The following ZC2HC1A variants were observed in gnomAD, a reference collection of about 807,000 sequenced individuals.
ZC2HC1A encodes zinc finger C2HC-type containing 1A.
A neutral mutation model predicts 40.7 loss-of-function variants in ZC2HC1A; 28 were observed. The observed-to-expected ratio is 0.69, with a 90% CI of 0.51 to 0.94. The LOEUF is 0.94. Ranked by LOEUF, ZC2HC1A falls within the 40% of genes least tolerant of loss-of-function variation. The probability of loss-of-function intolerance (pLI) is 0.00; values close to 1 mark genes in which losing one functional copy is unlikely to be tolerated. For missense variants in ZC2HC1A, 389 were observed against 386.3 expected, an observed-to-expected ratio of 1.01 and a Z score of -0.06; for synonymous variants, 129 against 129.2, an observed-to-expected ratio of 1.00 and a Z score of 0.01.
In ZC2HC1A at chr8:78,686,534, C is replaced by A; in HGVS notation, c.278C>A (p.Ala93Glu). ...GAAGAATTCATTGCTACCATAAGAGCAGCTAAAGGCCTTGATCAGGCCCTC... is the reference window on the plus strand; with the variant it reads ...GAAGAATTCATTGCTACCATAAGAGAAGCTAAAGGCCTTGATCAGGCCCTC... ...KHEEFIATIR[A>E]AKGLDQALKE... The change falls in exon 4 of 9, where the codon GCA (alanine) becomes GAA (glutamate). Residue 93 changes from alanine (A) to glutamate (E), a missense_variant. Physicochemically the swap from Ala to Glu is moderately radical, Grantham distance 107 (BLOSUM62 -1). Coordinates refer to ENST00000263849, the MANE Select transcript of ZC2HC1A (RefSeq NM_016010.3). 1 of 1,551,988 alleles carries A rather than the reference C, an allele frequency of 6.4e-7. No individual in the cohort carries two copies. Among genetic ancestry groups the A allele is most frequent in the Non-Finnish European group, 8.7e-7 (1 of 1,148,200 alleles).
chr8:78,681,931 G>A (rs1809800414), intron 3 of ZC2HC1A, among the ~76,000 whole-genome samples: 1 of 143,826 alleles, frequency 7.0e-6, no homozygotes, highest in African/African-American at 2.6e-5. Flanking sequence ...TTTTGAGACA[G>A]GGATCTTACT....
intron 1 of ZC2HC1A, among the ~76,000 whole-genome samples, chr8:78,668,297 C>G (rs1413842527): frequency 6.6e-6 from 1 of 152,116 alleles, no homozygotes; most frequent in Non-Finnish European, 1.5e-5. Flanking sequence ...TTTCTTACCT[C>G]TATTGGAAGT....
intron 7 of ZC2HC1A, among the ~76,000 whole-genome samples, chr8:78,709,064 T>C (rs1435471441): frequency 6.6e-6 from 1 of 152,236 alleles, no homozygotes; most frequent in Non-Finnish European, 1.5e-5. Flanking sequence ...CCCTAGAGTT[T>C]ACACAGTTGT....
At position 78,671,099 on chromosome 8, in the gene ZC2HC1A, A is replaced by C. The variant is rs575582438; in HGVS notation, c.17-4688A>C. 2.0e-5 allele frequency among the ~76,000 whole-genome samples: 3 copies of C among 152,320 alleles called. No homozygotes were observed. In the South Asian group the frequency reaches 6.2e-4, roughly 32 times the overall value. ...CACAAGGGAGGCCAGAACTGTTCTT[A>C]ATTTCCAAGATTTCTTTGAAAATGT... On this transcript the variant is annotated intron_variant, in intron 1 of 8. Coordinates refer to ENST00000263849, the MANE Select transcript of ZC2HC1A (RefSeq NM_016010.3).
intron 4 of ZC2HC1A, among the ~76,000 whole-genome samples, chr8:78,687,506 TTATA>T (rs568057552): frequency 2.8e-5 from 4 of 142,510 alleles, no homozygotes; most frequent in Non-Finnish European, 6.0e-5. Context: ...ATATAATAAA[TTATA>T]TATATTTATA....
In ZC2HC1A at chr8:78,689,317, A is replaced by G; in HGVS notation, c.448A>G (p.Asn150Asp). 1 of 1,604,962 alleles carries G rather than the reference A, an allele frequency of 6.2e-7. No individual in the cohort carries two copies. Among genetic ancestry groups the G allele is most frequent in the Non-Finnish European group, 8.5e-7 (1 of 1,175,796 alleles). ...FCKEQAARIS[N>D]KGKFSTDTKG... ...TAAAGAACAGGCAGCACGTATTAGT[A>G]ATAAAGGGAAATTTTCTACAGATAC... Residue 150 changes from asparagine (N) to aspartate (D), a missense_variant, in exon 5 of 9, where the codon AAT (asparagine) becomes GAT (aspartate). Asn to Asp is a conservative substitution (Grantham distance 23). Coordinates refer to ENST00000263849, the MANE Select transcript of ZC2HC1A (RefSeq NM_016010.3).
At chr8:78,690,368 G>T (rs1404620906) in intron 5 of ZC2HC1A, among the ~76,000 whole-genome samples, 1 of 152,092 alleles carries the variant, frequency 6.6e-6, no homozygotes, top group African/African-American at 2.4e-5. Flanking sequence ...AGACCATCCT[G>T]GCTAACACGG....
intron 7 of ZC2HC1A, chr8:78,711,853 C>T: frequency 2.3e-6 from 1 of 431,828 alleles, no homozygotes; most frequent in Admixed American, 3.5e-5. Context: ...GACATTAGTT[C>T]TTACCTTGAC....
chr8:78,669,154 C>G (rs1809377132), intron 1 of ZC2HC1A, among the ~76,000 whole-genome samples: 1 of 151,930 alleles, frequency 6.6e-6, no homozygotes, highest in African/African-American at 2.4e-5. Flanking sequence ...ATTAATTTAT[C>G]TAGCATTTAC....
In ZC2HC1A at chr8:78,718,194, G is replaced by A. The variant is rs1811164797; in HGVS notation, c.*701G>A. ...TTTATAACTGATTTTTTTTAGTTCT[G>A]TATGTATTCGTTGAACATATTTTTT... On this transcript the variant is annotated 3_prime_UTR_variant, in exon 9 of 9. Transcript: ENST00000263849. 1 of 151,760 alleles carries A rather than the reference G, an allele frequency of 6.6e-6. No individual in the cohort carries two copies. Among genetic ancestry groups the A allele is most frequent in the Admixed American group, 6.6e-5 (1 of 15,232 alleles). 9.4% of individuals were successfully genotyped at this position (151,760 alleles called of 1,614,324 possible). A position where few individuals can be genotyped will look rare whatever the true frequency, so the allele number is the denominator to read the frequency against.
intron 7 of ZC2HC1A, among the ~76,000 whole-genome samples, chr8:78,705,867 C>G (rs1810757000): frequency 6.6e-6 from 1 of 152,102 alleles, no homozygotes; most frequent in Middle Eastern, 3.4e-3. Context: ...GCCACACTTT[C>G]CTAGAGCAGC....
chr8:78,713,405 A>G (rs1435115533), intron 7 of ZC2HC1A, among the ~76,000 whole-genome samples: 1 of 151,990 alleles, frequency 6.6e-6, no homozygotes. Flanking sequence ...ATGTGTATAT[A>G]TTCATGGGTG....
Position 78,673,077 on chromosome 8 carries a change from C to G in ZC2HC1A, c.17-2710C>G, listed in dbSNP as rs530444783. On this transcript the variant is annotated intron_variant, in intron 1 of 8. Transcript: ENST00000263849. ...CTCTCCCTCCTTTTGCCTCCCACCC[C>G]CTGACAGGCCCTGGAGTGTGATGTT... 7.2e-5 allele frequency among the ~76,000 whole-genome samples: 11 copies of G among 152,092 alleles called. No homozygotes were observed. In the East Asian group the frequency reaches 1.2e-3, roughly 16 times the overall value.
At chr8:78,709,923 C>A (rs1810901863) in intron 7 of ZC2HC1A, among the ~76,000 whole-genome samples, 1 of 152,024 alleles carries the variant, frequency 6.6e-6, no homozygotes, top group Non-Finnish European at 1.5e-5. Context: ...CAGAAATCAT[C>A]TTTTTGTTAT....
In ZC2HC1A at chr8:78,666,170, G is replaced by A. The variant is rs368509395; in HGVS notation, c.16+6G>A. 1 of 1,574,710 alleles carries A rather than the reference G, an allele frequency of 6.4e-7. No individual in the cohort carries two copies. The highest frequency in any genetic ancestry group is 8.6e-7 in the Non-Finnish European group (1 of 1,160,442). ...CGCGATGGAGGGACTGGAAGGTGAG[G>A]CGATGAAGGGATGAGGGCAGGACGG... On this transcript the variant is annotated splice_donor_region_variant and intron_variant, in intron 1 of 8. Coordinates refer to ENST00000263849, the MANE Select transcript of ZC2HC1A (RefSeq NM_016010.3).
chr8:78,675,956 T>TA, intron 2 of ZC2HC1A, 93 bp downstream of exon 2: 1 of 1,149,670 alleles, frequency 8.7e-7, no homozygotes, highest in African/African-American at 1.6e-5. Context: ...TTACGTGGAA[T>TA]AGTTTTTGAA....
Position 78,689,220 on chromosome 8 carries a change from A to G in ZC2HC1A, c.353-2A>G. On this transcript the variant is annotated splice_acceptor_variant, in intron 4 of 8. Coordinates refer to ENST00000263849, the MANE Select transcript of ZC2HC1A (RefSeq NM_016010.3). LOFTEE classifies it high-confidence loss of function. ...ATCTGTTTCCGTTTTTATCTGTTAT[A>G]GATTATATTCAATGTCCATATTGTC... 6.4e-7 allele frequency: 1 copy of G among 1,551,810 alleles called. No homozygotes were observed. The highest frequency in any genetic ancestry group is 8.7e-7 in the Non-Finnish European group (1 of 1,151,968).
chr8:78,708,021 A>G (rs1810832044), intron 7 of ZC2HC1A, among the ~76,000 whole-genome samples: 1 of 152,176 alleles, frequency 6.6e-6, no homozygotes, highest in African/African-American at 2.4e-5. Context: ...AAGATAATAA[A>G]TTAATTCCCT....
At chr8:78,680,450 A>G (rs1809741556) in intron 3 of ZC2HC1A, among the ~76,000 whole-genome samples, 1 of 152,092 alleles carries the variant, frequency 6.6e-6, no homozygotes, top group South Asian at 2.1e-4. Context: ...TCCCAAACAT[A>G]CTGAATTAGA....
Sources: allele counts gnomAD v4.1 joint callset (sites outside exome capture counted in the v4.1 genomes callset), GRCh38; gene constraint gnomAD v4.1.1; transcripts MANE v1.5; gene names NCBI Gene and HGNC (gene_info 2026-07-23, HGNC 2026-07-21).